The following PRDM6 variants were observed in gnomAD, a reference collection of about 807,000 sequenced individuals.
PRDM6 encodes PR/SET domain 6.
PRDM6 carries 25 observed loss-of-function variants against 60.8 expected under a neutral mutation model. The observed-to-expected ratio is 0.41, with a 90% CI of 0.30 to 0.57. PRDM6 has a LOEUF of 0.57. Among genes scored for constraint, PRDM6 ranks in the 20% least tolerant of loss-of-function variants. The pLI is 0.27. For synonymous variants in PRDM6, 407 were observed against 357.4 expected (o/e 1.14, Z -1.57); for missense variants, 839 against 821.3 (o/e 1.02, Z -0.26).
chr5:123,171,782 A>G (rs1765894533), intron 6 of PRDM6, among the ~76,000 whole-genome samples: 1 of 152,256 alleles, frequency 6.6e-6, no homozygotes, highest in Admixed American at 6.5e-5. Flanking sequence ...TAGCTGAACA[A>G]GTGAATTAAA....
intron 6 of PRDM6, among the ~76,000 whole-genome samples, chr5:123,176,288 A>AAC (rs1176896861): frequency 3.3e-5 from 5 of 151,614 alleles, no homozygotes; most frequent in Non-Finnish European, 5.9e-5. Flanking sequence ...AAAAAACAAA[A>AAC]AAAAAACCAT....
At chr5:123,152,325 A>G (rs1561857972) in intron 3 of PRDM6, among the ~76,000 whole-genome samples, 1 of 152,234 alleles carries the variant, frequency 6.6e-6, no homozygotes, top group Non-Finnish European at 1.5e-5. Context: ...GAAAAGCTCA[A>G]GCCCAGTCTA....
chr5:123,145,828 C>A (rs908121939), intron 3 of PRDM6, among the ~76,000 whole-genome samples: 1 of 152,152 alleles, frequency 6.6e-6, no homozygotes, highest in Non-Finnish European at 1.5e-5. Context: ...AAAAGAATGT[C>A]GTAGACTTAG....
intron 3 of PRDM6, among the ~76,000 whole-genome samples, chr5:123,132,308 A>G (rs35352171): frequency 0.012 from 1,851 of 152,286 alleles, 19 homozygotes; most frequent in Middle Eastern, 0.054. Context: ...CAAAATTAGA[A>G]TTATTCCTAG....
At chr5:123,140,966 A>AT (rs553084986) in intron 3 of PRDM6, among the ~76,000 whole-genome samples, 1 of 151,910 alleles carries the variant, frequency 6.6e-6, no homozygotes, top group Admixed American at 6.6e-5. Flanking sequence ...CTAAGTTAAA[A>AT]TTTTTTTTAT....
Position 123,191,331 on chromosome 5 carries a change from G to A in PRDM6, c.*4130G>A, listed in dbSNP as rs1325657339. On this transcript the variant is annotated 3_prime_UTR_variant, in exon 8 of 8. Transcript: ENST00000407847. ...GAATCATGGCACGTCTCACAAAGAG[G>A]GCATTTCCAGAACAGCAGGGTTAAC... The A allele has an allele frequency of 6.6e-6, 1 of 152,092 alleles. No homozygotes were observed. Among genetic ancestry groups the A allele is most frequent in the African/African-American group, 2.4e-5 (1 of 41,382 alleles). 9.4% of individuals were successfully genotyped at this position (152,092 alleles called of 1,614,324 possible).
chr5:123,176,440 G>T (rs139804258), intron 6 of PRDM6, among the ~76,000 whole-genome samples: 1,673 of 152,350 alleles, frequency 0.011, 20 homozygotes, highest in African/African-American at 0.031. Context: ...ACTGGGCACA[G>T]TGGCTCCCAC....
intron 3 of PRDM6, among the ~76,000 whole-genome samples, chr5:123,122,960 C>T (rs1004755388): frequency 2.0e-5 from 3 of 152,074 alleles, no homozygotes; most frequent in African/African-American, 7.2e-5. Flanking sequence ...TTAAATTTTT[C>T]CCCTGGAATG....
intron 3 of PRDM6, among the ~76,000 whole-genome samples, chr5:123,113,852 C>T (rs1764370787): frequency 6.6e-6 from 1 of 152,180 alleles, no homozygotes; most frequent in Admixed American, 6.5e-5. Flanking sequence ...GGTTAGCCTA[C>T]CTTGTGTTCC....
chr5:123,090,410 GC>G lies in PRDM6; in HGVS notation c.402del (p.Lys135ArgfsTer158). The G allele has an allele frequency of 3.4e-6, 5 of 1,457,970 alleles. No homozygotes were observed. The highest frequency in any genetic ancestry group is 2.7e-5 in the South Asian group (2 of 74,614). The allele number at this position is 1,457,970 out of a possible 1,614,324, so 90.3% of individuals were successfully genotyped here. On this transcript the variant is annotated frameshift_variant, in exon 2 of 8. Transcript: ENST00000407847. LOFTEE classifies it high-confidence loss of function. ...CCGCTGCCGTCGCCGCCGAGCCGCT[GC>G]CCCCCAAGGAACTGTGCCTCGGCGC... Reference protein sequence around the residue: ...AAAAVAAEPLPPKELCLGATS... With the variant: ...AAAAVAAEPLXPKELCLGATS...
intron 2 of PRDM6, among the ~76,000 whole-genome samples, chr5:123,090,887 G>C (rs1763824193): frequency 6.6e-6 from 1 of 152,216 alleles, no homozygotes; most frequent in South Asian, 2.1e-4. Flanking sequence ...TTTGGGGCCG[G>C]AGTCTACCGT....
rs1404775951 is a variant in PRDM6, at chr5:123,099,409, G to A, written c.593-245G>A. Among the ~76,000 whole-genome samples the A allele has an allele frequency of 2.0e-5, 3 of 152,170 alleles. No individual in the cohort carries two copies. Among genetic ancestry groups the A allele is most frequent in the Non-Finnish European group, 4.4e-5 (3 of 68,016 alleles). ...TGCGCCCAGATCCGAAGGCTTTTTG[G>A]GGAGCCTAGAGTCCTGGCCCGGTAC... is the stretch of plus-strand genomic sequence containing the variant. On this transcript the variant is annotated intron_variant, in intron 2 of 7. Transcript: ENST00000407847. The surrounding 1 kb of genome is among the most constrained non-coding windows in gnomAD (Gnocchi z 4.0).
intron 3 of PRDM6, among the ~76,000 whole-genome samples, chr5:123,135,216 T>C (rs1764928663): frequency 1.3e-5 from 2 of 152,198 alleles, no homozygotes; most frequent in Admixed American, 6.5e-5. Context: ...GGAAGTGTTA[T>C]CATATTAACA....
At chr5:123,121,485 T>C (rs1166275664) in intron 3 of PRDM6, among the ~76,000 whole-genome samples, 2 of 152,200 alleles carry the variant, frequency 1.3e-5, no homozygotes, top group Non-Finnish European at 2.9e-5. Flanking sequence ...TGGGCTCAAG[T>C]GATCCTCCCA....
rs1179938309 is a variant in PRDM6 at position 123,188,449 on chromosome 5, G to A, written c.*1248G>A. The A allele has an allele frequency of 6.6e-6, 1 of 152,234 alleles. No homozygotes were observed. The highest frequency in any genetic ancestry group is 1.5e-5 in the Non-Finnish European group (1 of 68,040). 9.4% of individuals were successfully genotyped at this position (152,234 alleles called of 1,614,324 possible). A position where few individuals can be genotyped will look rare whatever the true frequency, so the allele number is the denominator to read the frequency against. On this transcript the variant is annotated 3_prime_UTR_variant, in exon 8 of 8. Transcript: ENST00000407847. ...ATGTGAGTTTAATTTCAGCTAGCCTGTTGGTGGTTCAACAGTGGTGCTCAA... is the reference window on the plus strand; with the variant it reads ...ATGTGAGTTTAATTTCAGCTAGCCTATTGGTGGTTCAACAGTGGTGCTCAA...
rs996437775 is a variant in PRDM6 at position 123,179,734 on chromosome 5, T to C, written c.1497-413T>C. 8.6e-5 allele frequency among the ~76,000 whole-genome samples: 7 copies of C among 81,708 alleles called. No homozygotes were observed. In the East Asian group the frequency reaches 3.3e-3, roughly 39 times the overall value. The allele number at this position is 81,708 out of a possible 152,430, so 53.6% of individuals were successfully genotyped here. ...GGATTATCATAAAGATTAAACTGGA[T>C]AACTGATTTTAAAGCACTTTAAAAA... On this transcript the variant is annotated intron_variant, in intron 6 of 7. Coordinates refer to ENST00000407847, the MANE Select transcript of PRDM6 (RefSeq NM_001136239.4).
At chr5:123,158,612 A>G (rs1480917029) in intron 4 of PRDM6, among the ~76,000 whole-genome samples, 1 of 152,224 alleles carries the variant, frequency 6.6e-6, no homozygotes, top group Non-Finnish European at 1.5e-5. Flanking sequence ...TATGTTGACA[A>G]GTGCATATCT....
chr5:123,158,974 T>G (rs998747785), intron 4 of PRDM6, among the ~76,000 whole-genome samples: 3 of 152,166 alleles, frequency 2.0e-5, no homozygotes, highest in African/African-American at 7.2e-5. Context: ...CCATTTCACA[T>G]CAGAGGGTTT....
chr5:123,121,394 C>A (rs1474687962), intron 3 of PRDM6, among the ~76,000 whole-genome samples: 1 of 151,172 alleles, frequency 6.6e-6, no homozygotes, highest in Non-Finnish European at 1.5e-5. Flanking sequence ...TTTTGTTTTG[C>A]TTTTTTGAGA....
Sources: gnomAD v4.1 joint callset for allele counts (sites outside exome capture counted in the v4.1 genomes callset) on GRCh38, gnomAD v4.1.1 for gene constraint, Gnocchi (gnomAD v3.1) non-coding constraint, MANE v1.5 for transcripts, NCBI Gene and HGNC (gene_info 2026-07-23, HGNC 2026-07-21) for gene names.